The following RLIM variants were observed in gnomAD, a reference collection of about 807,000 sequenced individuals.
RLIM encodes the protein E3 ubiquitin-protein ligase RLIM.
RLIM carries 2 observed loss-of-function variants against 34.0 expected under a neutral mutation model. That is an observed-to-expected ratio of 0.06 (90% CI 0.02 to 0.19). RLIM has a LOEUF of 0.19. RLIM is among the 10% of genes least tolerant of loss of function. The pLI, the probability that RLIM is intolerant of heterozygous loss-of-function variation, is 1.00. For missense variants in RLIM, 286 were observed against 479.7 expected, an observed-to-expected ratio of 0.60 and a Z score of 3.77; for synonymous variants, 169 against 164.0, an observed-to-expected ratio of 1.03 and a Z score of -0.23.
intron 1 of RLIM, among the ~76,000 whole-genome samples, chrX:74,613,225 G>T (rs1266048177): frequency 9.0e-6 from 1 of 111,026 alleles, no homozygotes; most frequent in Non-Finnish European, 1.9e-5. Flanking sequence ...TGAAAGAAAT[G>T]ATTAGTAGCA....
chrX:74,593,677 T>C (rs1345419712), intron 3 of RLIM, among the ~76,000 whole-genome samples: 1 of 112,686 alleles, frequency 8.9e-6, no homozygotes, highest in Non-Finnish European at 1.9e-5. Flanking sequence ...ATAGCACATA[T>C]AATGGCATGT....
At position 74,587,679 on chromosome X, in the gene RLIM, A is replaced by G. The variant is rs1015047329; in HGVS notation, c.*3761T>C. The G allele has an allele frequency of 1.1e-4, 12 of 111,865 alleles. No individual in the cohort carries two copies. Among genetic ancestry groups the G allele is most frequent in the African/African-American group, 3.9e-4 (12 of 30,785 alleles). 9.2% of individuals were successfully genotyped at this position (111,865 alleles called of 1,213,427 possible). A position where few individuals can be genotyped will look rare whatever the true frequency, so the allele number is the denominator to read the frequency against. ...ATTTGGGTATTTTGGGAACTGACCG[A>G]AAGTCATGGCTGATGCTTCACCCAT... On this transcript the variant is annotated 3_prime_UTR_variant, in exon 4 of 4. Transcript: ENST00000332687.
At chrX:74,609,916 A>T (rs1415201040) in intron 1 of RLIM, among the ~76,000 whole-genome samples, 1 of 112,123 alleles carries the variant, frequency 8.9e-6, no homozygotes, top group Non-Finnish European at 1.9e-5. Flanking sequence ...AACATCAAAC[A>T]CAAATACTTC....
At position 74,583,814 on chromosome X, in the gene RLIM, G is replaced by A. The variant is rs192881565; in HGVS notation, c.*7626C>T. The stretch of plus-strand genomic sequence containing the variant: ...TGTAATACCACCACTGTGGGAGGCC[G>A]AGACGGGCAGATCATGGGATCAGGG... On this transcript the variant is annotated 3_prime_UTR_variant, in exon 4 of 4. Transcript: ENST00000332687. Among the ~76,000 whole-genome samples, 391 of 111,801 alleles carry A rather than the reference G, an allele frequency of 3.5e-3. 2 individuals carry two copies. The highest frequency in any genetic ancestry group is 4.7e-3 in the Non-Finnish European group (252 of 53,164).
Position 74,583,680 on chromosome X carries a change from G to A in RLIM, c.*7760C>T, listed in dbSNP as rs748879541. ...TTCATGTTATTCATAGTGCTAAGGT[G>A]TATCTGGTAATGCCCAGTGCTTTAC... On this transcript the variant is annotated 3_prime_UTR_variant, in exon 4 of 4. Transcript: ENST00000332687. 12 of 369,579 alleles carry A rather than the reference G, an allele frequency of 3.2e-5. No individual in the cohort carries two copies. In the South Asian group the frequency reaches 3.3e-4, roughly 10 times the overall value. 30.5% of individuals were successfully genotyped at this position (369,579 alleles called of 1,213,427 possible). A position where few individuals can be genotyped will look rare whatever the true frequency, so the allele number is the denominator to read the frequency against.
Position 74,586,576 on chromosome X carries a change from G to A in RLIM, c.*4864C>T, listed in dbSNP as rs2079587938. The A allele has an allele frequency of 8.9e-6, 1 of 112,475 alleles. No homozygotes were observed. The highest frequency in any genetic ancestry group is 3.2e-5 in the African/African-American group (1 of 30,970). The allele number at this position is 112,475 out of a possible 1,213,427, so 9.3% of individuals were successfully genotyped here. A position where few individuals can be genotyped will look rare whatever the true frequency, so the allele number is the denominator to read the frequency against. ...ACTGTTCTGTGATTATCACTTGACA[G>A]TTCTAACACTGTTATACAGCTCAAT... On this transcript the variant is annotated 3_prime_UTR_variant, in exon 4 of 4. Coordinates refer to ENST00000332687, the MANE Select transcript of RLIM (RefSeq NM_016120.4).
chrX:74,607,962 T>C (rs1202874071), intron 1 of RLIM, among the ~76,000 whole-genome samples: 1 of 112,592 alleles, frequency 8.9e-6, no homozygotes, highest in African/African-American at 3.2e-5. Flanking sequence ...CCAAAAGTGT[T>C]GGGGATTCTT....
In RLIM at chrX:74,590,292, C is replaced by T. The variant is rs1263851388; in HGVS notation, c.*1148G>A. 4 of 112,102 alleles carry T rather than the reference C, an allele frequency of 3.6e-5. No individual in the cohort carries two copies. The highest frequency in any genetic ancestry group is 1.3e-4 in the African/African-American group (4 of 30,859). The allele number at this position is 112,102 out of a possible 1,213,427, so 9.2% of individuals were successfully genotyped here. A position where few individuals can be genotyped will look rare whatever the true frequency, so the allele number is the denominator to read the frequency against. On this transcript the variant is annotated 3_prime_UTR_variant, in exon 4 of 4. Coordinates refer to ENST00000332687, the MANE Select transcript of RLIM (RefSeq NM_016120.4). ...TTTCTTAAACCAAAACTCTGCCAAACTTGCTGATCTTCTGCTTCATCTACT... is the reference window on the plus strand; with the variant it reads ...TTTCTTAAACCAAAACTCTGCCAAATTTGCTGATCTTCTGCTTCATCTACT...
rs1355982165 is a variant in RLIM at position 74,595,853 on chromosome X, T to G, written c.125A>C (p.Glu42Ala). Residue 42 changes from glutamate to alanine, a missense_variant, in exon 2 of 4, where the codon GAA becomes GCA. Transcript: ENST00000332687. Reference sequence around the variant, plus strand: ...GTTATCTCTCATAAGCCTATAATCTTCTTCACTCAGGTTATTTACAAATTG... The same window carrying G: ...GTTATCTCTCATAAGCCTATAATCTGCTTCACTCAGGTTATTTACAAATTG... ...FYQFVNNLSEEDYRLMRDNNL... is the reference protein window; with the variant it reads ...FYQFVNNLSEADYRLMRDNNL... 8.3e-7 allele frequency: 1 copy of G among 1,205,663 alleles called. No homozygotes were observed. Among genetic ancestry groups the G allele is most frequent in the Non-Finnish European group, 1.1e-6 (1 of 891,876 alleles).
rs955138097 is a variant in RLIM, at chrX:74,583,486, CAGG to C, written c.*7951_*7953del. ...TTATACTGTGGAACGGTGCGGACAG[CAGG>C]AGTAGCTGCAGCAGCTGTAGCTGCA... On this transcript the variant is annotated 3_prime_UTR_variant, in exon 4 of 4. Coordinates refer to ENST00000332687, the MANE Select transcript of RLIM (RefSeq NM_016120.4). 25 of 643,849 alleles carry C rather than the reference CAGG, an allele frequency of 3.9e-5. No individual in the cohort carries two copies. In the African/African-American group the frequency reaches 4.3e-4, roughly 11 times the overall value. 53.1% of individuals were successfully genotyped at this position (643,849 alleles called of 1,213,427 possible).
At position 74,592,782 on chromosome X, in the gene RLIM, T is replaced by G. The variant is rs113452581; in HGVS notation, c.533A>C (p.Asn178Thr). Residue 178 changes from asparagine (N) to threonine (T), a missense_variant, in exon 4 of 4, where the codon AAC becomes ACC. Physicochemically the swap from Asn to Thr is moderately conservative, Grantham distance 65 (BLOSUM62 0). Coordinates refer to ENST00000332687, the MANE Select transcript of RLIM (RefSeq NM_016120.4). The stretch of plus-strand genomic sequence containing the variant: ...TGCAGATGTTGATTCAGATCGTGGG[T>G]TTTCCACTTGCCTTTGGCTGTTGTT... ...VENNSQRQVE[N>T]PRSESTSARP... 2.5e-3 allele frequency: 3,023 copies of G among 1,209,821 alleles called. 2 individuals carry two copies. The highest frequency in any genetic ancestry group is 3.1e-3 in the Non-Finnish European group (2,783 of 894,779).
chrX:74,605,816 C>CAAT (rs1178831418), intron 1 of RLIM, among the ~76,000 whole-genome samples: 1 of 111,760 alleles, frequency 8.9e-6, no homozygotes, highest in Non-Finnish European at 1.9e-5. Context: ...TTAATCTTCA[C>CAAT]AATAATCCCA....
At chrX:74,610,905 TA>T (rs1173401103) in intron 1 of RLIM, among the ~76,000 whole-genome samples, 5 of 105,340 alleles carry the variant, frequency 4.7e-5, no homozygotes, top group East Asian at 3.0e-4. Flanking sequence ...AATAAAAAAA[TA>T]AAAAATAAAT....
Position 74,590,267 on chromosome X carries a change from T to C in RLIM, c.*1173A>G, listed in dbSNP as rs768327808. ...TTGTGCTAGGTAGTAGTGGTTTGTTTTTCTTAAACCAAAACTCTGCCAAAC... is the reference window on the plus strand; with the variant it reads ...TTGTGCTAGGTAGTAGTGGTTTGTTCTTCTTAAACCAAAACTCTGCCAAAC... On this transcript the variant is annotated 3_prime_UTR_variant, in exon 4 of 4. Coordinates refer to ENST00000332687, the MANE Select transcript of RLIM (RefSeq NM_016120.4). The C allele has an allele frequency of 1.8e-5, 2 of 112,196 alleles. No homozygotes were observed. The highest frequency in any genetic ancestry group is 7.3e-4 in the South Asian group (2 of 2,726). 9.2% of individuals were successfully genotyped at this position (112,196 alleles called of 1,213,427 possible).
At chrX:74,601,333 A>G (rs768394299) in intron 1 of RLIM, among the ~76,000 whole-genome samples, 3 of 112,328 alleles carry the variant, frequency 2.7e-5, no homozygotes, top group African/African-American at 9.7e-5. Context: ...CATAGAGAAC[A>G]GGAGAGATGC....
chrX:74,611,517 T>C (rs1256651296), intron 1 of RLIM, among the ~76,000 whole-genome samples: 1 of 112,118 alleles, frequency 8.9e-6, no homozygotes, highest in African/African-American at 3.2e-5. Flanking sequence ...CATCTATCAA[T>C]GAGCCCATCC....
At chrX:74,603,528 A>G (rs763426978) in intron 1 of RLIM, among the ~76,000 whole-genome samples, 25 of 111,944 alleles carry the variant, frequency 2.2e-4, no homozygotes, top group Admixed American at 5.7e-4. Flanking sequence ...CTTCCCAAAT[A>G]GATTTCTTTT....
chrX:74,588,007 A>G lies in RLIM; in HGVS notation c.*3433T>C, dbSNP rs1411777271. The G allele has an allele frequency of 1.8e-5, 2 of 112,616 alleles. No individual in the cohort carries two copies. Among genetic ancestry groups the G allele is most frequent in the Admixed American group, 1.9e-4 (2 of 10,671 alleles). 9.3% of individuals were successfully genotyped at this position (112,616 alleles called of 1,213,427 possible). A position where few individuals can be genotyped will look rare whatever the true frequency, so the allele number is the denominator to read the frequency against. On this transcript the variant is annotated 3_prime_UTR_variant, in exon 4 of 4. Transcript: ENST00000332687. ...TACCTACATTCCAACACTAATGTGA[A>G]CACTTTTCTCAATCCCCACCTCCAT...
chrX:74,606,532 A>C (rs761591151), intron 1 of RLIM, among the ~76,000 whole-genome samples: 49 of 112,315 alleles, frequency 4.4e-4, no homozygotes, highest in Admixed American at 4.1e-3. Flanking sequence ...GATTACTGCT[A>C]AATGTAGTAT....
Sources: allele counts gnomAD v4.1 joint callset (sites outside exome capture counted in the v4.1 genomes callset), GRCh38; gene constraint gnomAD v4.1.1; transcripts MANE v1.5; gene names NCBI Gene and HGNC (gene_info 2026-07-23, HGNC 2026-07-21).